Variants in BAIAP2L2 observed in about 807,000 individuals in gnomAD.
The protein encoded by BAIAP2L2 is BAR/IMD domain-containing adapter protein 2-like 2.
A neutral mutation model predicts 60.4 loss-of-function variants in BAIAP2L2; 65 were observed. That is an observed-to-expected ratio of 1.08 (90% confidence interval 0.88 to 1.32). BAIAP2L2 has a LOEUF of 1.32. Among genes scored for constraint, BAIAP2L2 ranks in the 40% most tolerant of loss-of-function variants. The pLI is 0.00. For synonymous variants in BAIAP2L2, 344 were observed against 301.7 expected (o/e 1.14, Z -1.45); for missense variants, 836 against 741.2 (o/e 1.13, Z -1.48).
intron 4 of BAIAP2L2, 37 bp downstream of exon 4, chr22:38,107,815 C>A: frequency 6.3e-7 from 1 of 1,597,688 alleles, no homozygotes; most frequent in South Asian, 1.1e-5. Flanking sequence ...CCACTTTCCT[C>A]GAGTGACCCC....
chr22:38,092,015 C>G (rs1212112160), intron 7 of BAIAP2L2, among the ~76,000 whole-genome samples: 1 of 152,066 alleles, frequency 6.6e-6, no homozygotes, highest in African/African-American at 2.4e-5. Context: ...TGCAGAAGCA[C>G]AGAAACTCAT....
At chr22:38,104,794 C>A (rs1449737370) in intron 4 of BAIAP2L2, among the ~76,000 whole-genome samples, 1 of 151,980 alleles carries the variant, frequency 6.6e-6, no homozygotes, top group Non-Finnish European at 1.5e-5. Flanking sequence ...CCACACCCAG[C>A]CAAAAATTTT....
chr22:38,109,919 G>GCCTCCAGGTGAAAGGGTCCTGCACA (rs2086768372), intron 1 of BAIAP2L2, among the ~76,000 whole-genome samples: 1 of 150,608 alleles, frequency 6.6e-6, no homozygotes, highest in Non-Finnish European at 1.5e-5. Flanking sequence ...GTGGTGTGAG[G>GCCTCCAGGTGAAAGGGTCCTGCACA]CCTCCAGGTG....
intron 4 of BAIAP2L2, among the ~76,000 whole-genome samples, chr22:38,104,488 T>C (rs1269846713): frequency 6.7e-6 from 1 of 149,472 alleles, no homozygotes; most frequent in Non-Finnish European, 1.5e-5. Context: ...TCGAAGAGAC[T>C]CAAATTTCTT....
At chr22:38,093,468 C>T (rs1569222477) in intron 7 of BAIAP2L2, among the ~76,000 whole-genome samples, 1 of 152,196 alleles carries the variant, frequency 6.6e-6, no homozygotes, top group Non-Finnish European at 1.5e-5. Flanking sequence ...CCCTCACCCA[C>T]GAGGAGGCAG....
At chr22:38,103,071 C>A (rs570723703) in intron 4 of BAIAP2L2, among the ~76,000 whole-genome samples, 1 of 151,522 alleles carries the variant, frequency 6.6e-6, no homozygotes, top group South Asian at 2.1e-4. Flanking sequence ...AAAAAATTAG[C>A]CAGGCACGGT....
intron 6 of BAIAP2L2, 30 bp downstream of exon 6, chr22:38,098,032 CT>C: frequency 7.0e-7 from 1 of 1,429,562 alleles, no homozygotes; most frequent in Non-Finnish European, 9.8e-7. Context: ...CCCGCCCTTC[CT>C]GGCCCACCCC....
chr22:38,107,668 C>A (rs1306491021), intron 4 of BAIAP2L2, among the ~76,000 whole-genome samples, 184 bp downstream of exon 4: 1 of 152,124 alleles, frequency 6.6e-6, no homozygotes. Context: ...TGCCACCAGC[C>A]TCCTAGGGCT....
rs2086199385 is a variant in BAIAP2L2, at chr22:38,089,150, G to C, written c.847C>G (p.Pro283Ala). Residue 283 changes from proline to alanine, a missense_variant, in exon 9 of 14, where the codon CCC becomes GCC. Transcript: ENST00000381669. ...CGGTCTGGCTCTAGCTGGGACGCGGGCCTCGCGTCGGGCTCGGTGCCGTAG... is the reference window on the plus strand; with the variant it reads ...CGGTCTGGCTCTAGCTGGGACGCGGCCCTCGCGTCGGGCTCGGTGCCGTAG... ...GSYGTEPDAR[P>A]ASQLEPDRRS... 1 of 1,342,380 alleles carries C rather than the reference G, an allele frequency of 7.4e-7. No individual in the cohort carries two copies. 83.2% of individuals were successfully genotyped at this position (1,342,380 alleles called of 1,614,324 possible). A position where few individuals can be genotyped will look rare whatever the true frequency, so the allele number is the denominator to read the frequency against.
rs2086021434 is a variant in BAIAP2L2 at position 38,085,264 on chromosome 22, G to GC, written c.*35dup. Reference sequence around the variant, plus strand: ...ATTGCCAGCTCTGAACAGCCCCTGGGCAGGTGCACTGTGGGGTACGACCTC... The same window carrying GC: ...ATTGCCAGCTCTGAACAGCCCCTGGGCCAGGTGCACTGTGGGGTACGACCTC... On this transcript the variant is annotated 3_prime_UTR_variant, in exon 14 of 14. Coordinates refer to ENST00000381669, the MANE Select transcript of BAIAP2L2 (RefSeq NM_025045.6). 1.9e-6 allele frequency: 3 copies of GC among 1,597,702 alleles called. No individual in the cohort carries two copies. The highest frequency in any genetic ancestry group is 2.6e-6 in the Non-Finnish European group (3 of 1,165,822).
chr22:38,102,497 G>A lies in BAIAP2L2; in HGVS notation c.277-4015C>T, dbSNP rs553142304. ...TCAGGAAAAAACCTACTTTTCCACA[G>A]ACAATCTCTGAGGTGAAATCCAATA... On this transcript the variant is annotated intron_variant, in intron 4 of 13. Coordinates refer to ENST00000381669, the MANE Select transcript of BAIAP2L2 (RefSeq NM_025045.6). Among the ~76,000 whole-genome samples the A allele has an allele frequency of 2.6e-5, 4 of 152,170 alleles. No individual in the cohort carries two copies. The South Asian group carries it at 8.3e-4, about 32-fold the overall frequency.
At chr22:38,110,778 T>C, upstream of BAIAP2L2, 1 of 513,862 alleles carries the variant, frequency 1.9e-6, no homozygotes, top group African/African-American at 2.0e-5. Context: ...CAGGCTCGTG[T>C]GACCTGCCCT....
Position 38,110,570 on chromosome 22 carries a change from C to T in BAIAP2L2, c.-45G>A, listed in dbSNP as rs757501633. On this transcript the variant is annotated 5_prime_UTR_variant, in exon 1 of 14. Coordinates refer to ENST00000381669, the MANE Select transcript of BAIAP2L2 (RefSeq NM_025045.6). Reference sequence around the variant, plus strand: ...TGAGCAGGAGGCTGGGAGCTGGTGGCGATGGCACAGCCGGGAGCAGTGGTA... The same window carrying T: ...TGAGCAGGAGGCTGGGAGCTGGTGGTGATGGCACAGCCGGGAGCAGTGGTA... The T allele has an allele frequency of 1.4e-5, 21 of 1,547,056 alleles. No individual in the cohort carries two copies. The highest frequency in any genetic ancestry group is 7.0e-5 in the East Asian group (3 of 42,994).
chr22:38,086,995 C>CAAAAAAAAAAAAAAAAAAAAAAAAAA, intron 11 of BAIAP2L2, 129 bp downstream of exon 11: 1 of 897,626 alleles, frequency 1.1e-6, no homozygotes, highest in Non-Finnish European at 1.4e-6. Flanking sequence ...GACTCTGTCT[C>CAAAAAAAAAAAAAAAAAAAAAAAAAA]AAAAAAAAAA....
chr22:38,087,218 G>A lies in BAIAP2L2; in HGVS notation c.1165C>T (p.Pro389Ser), dbSNP rs1023497258. The part of the protein sequence containing the change: ...EAYVKALEEG[P>S]VNPMTPVTPM... Reference sequence around the variant, plus strand: ...GTCACGGGGGTCATGGGATTCACGGGCCCCTCCTCCAGAGCCTTCACGTAC... The same window carrying A: ...GTCACGGGGGTCATGGGATTCACGGACCCCTCCTCCAGAGCCTTCACGTAC... The change falls in exon 11 of 14, where the codon CCC (proline) becomes TCC (serine). Residue 389 changes from proline (P) to serine (S), a missense_variant. Physicochemically the swap from Pro to Ser is moderately conservative, Grantham distance 74. Coordinates refer to ENST00000381669, the MANE Select transcript of BAIAP2L2 (RefSeq NM_025045.6). 12 of 1,605,576 alleles carry A rather than the reference G, an allele frequency of 7.5e-6. No individual in the cohort carries two copies. The Admixed American group carries it at 1.5e-4, about 21-fold the overall frequency.
rs370496572 is a variant in BAIAP2L2, at chr22:38,101,630, G to T, written c.277-3148C>A. Among the ~76,000 whole-genome samples the T allele has an allele frequency of 2.0e-5, 3 of 151,618 alleles. No individual in the cohort carries two copies. In the East Asian group the frequency reaches 5.8e-4, roughly 29 times the overall value. ...GCACTTTGGAAGGCCAAGGTGTGTGGATCACCTGAGGTCAGGAGTTTGAGA... is the reference window on the plus strand; with the variant it reads ...GCACTTTGGAAGGCCAAGGTGTGTGTATCACCTGAGGTCAGGAGTTTGAGA... On this transcript the variant is annotated intron_variant, in intron 4 of 13. Transcript: ENST00000381669.
intron 4 of BAIAP2L2, among the ~76,000 whole-genome samples, chr22:38,099,222 G>T (rs1453997212): frequency 6.6e-6 from 1 of 152,218 alleles, no homozygotes; most frequent in Non-Finnish European, 1.5e-5. Context: ...GGCCTCAGTT[G>T]CCCCATCTGT....
chr22:38,107,071 T>C (rs1015519892), intron 4 of BAIAP2L2, among the ~76,000 whole-genome samples: 2 of 152,128 alleles, frequency 1.3e-5, no homozygotes, highest in African/African-American at 4.8e-5. Context: ...GCAGTTATTA[T>C]GATTCTCTCC....
chr22:38,086,124 TGA>T lies in BAIAP2L2; in HGVS notation c.1467+116_1467+117del, dbSNP rs1181898394. ...CCCCTCCCTGCACTGAGGAACAGAC[TGA>T]GTGAGGCCAGGTAGGCGGGTCCCCT... On this transcript the variant is annotated intron_variant, in intron 12 of 13. Coordinates refer to ENST00000381669, the MANE Select transcript of BAIAP2L2 (RefSeq NM_025045.6). 1.6e-5 allele frequency: 19 copies of T among 1,153,398 alleles called. No homozygotes were observed. In the East Asian group the frequency reaches 4.1e-4, roughly 25 times the overall value. 71.4% of individuals were successfully genotyped at this position (1,153,398 alleles called of 1,614,324 possible). A position where few individuals can be genotyped will look rare whatever the true frequency, so the allele number is the denominator to read the frequency against.
Sources: allele counts gnomAD v4.1 joint callset (sites outside exome capture counted in the v4.1 genomes callset), GRCh38; gene constraint gnomAD v4.1.1; transcripts MANE v1.5; gene names NCBI Gene and HGNC (gene_info 2026-07-23, HGNC 2026-07-21).